Variants in LOC128092249 observed in about 807,000 individuals in gnomAD.
chr21:46,326,370 T>G, the LOC128092249 span: 2 of 1,614,114 alleles, frequency 1.2e-6, no homozygotes, highest in Non-Finnish European at 1.7e-6. Context: ...TCTACATTTT[T>G]GCGCAGCTTG....
the LOC128092249 span, chr21:46,326,357 T>G: frequency 1.2e-6 from 2 of 1,612,896 alleles, no homozygotes; most frequent in Non-Finnish European, 8.5e-7. Flanking sequence ...CCTTTACTAC[T>G]TATCTACATT....
At chr21:46,326,460 C>G in the LOC128092249 span, 7 of 1,614,190 alleles carry the variant, frequency 4.3e-6, no homozygotes, top group South Asian at 1.1e-5. Flanking sequence ...GCTCGGCTGT[C>G]GATGCGTCTG....
chr21:46,326,417 C>A, the LOC128092249 span: 1 of 1,614,176 alleles, frequency 6.2e-7, no homozygotes, highest in Non-Finnish European at 8.5e-7. Flanking sequence ...GGTGACAGTT[C>A]GCATTCGGAG....
At chr21:46,326,432 A>T in the LOC128092249 span, 1 of 1,614,168 alleles carries the variant, frequency 6.2e-7, no homozygotes, top group South Asian at 1.1e-5. Flanking sequence ...TCGGAGAAAA[A>T]GACGGCGAAG....
chr21:46,326,373 G>A, the LOC128092249 span: 4 of 1,613,850 alleles, frequency 2.5e-6, no homozygotes, highest in Admixed American at 3.3e-5. Context: ...ACATTTTTGC[G>A]CAGCTTGCTC....
At chr21:46,326,473 CAGG>C in the LOC128092249 span, 2 of 1,614,176 alleles carry the variant, frequency 1.2e-6, no homozygotes, top group Non-Finnish European at 1.7e-6. Context: ...TGCGTCTGTC[CAGG>C]AGGAGAGTCC....
chr21:46,326,363 A>G, the LOC128092249 span: 10 of 1,613,496 alleles, frequency 6.2e-6, no homozygotes, highest in African/African-American at 9.3e-5. Context: ...CTACTTATCT[A>G]CATTTTTGCG....
At chr21:46,326,465 C>T in the LOC128092249 span, 4 of 1,614,072 alleles carry the variant, frequency 2.5e-6, no homozygotes, top group African/African-American at 2.7e-5. Flanking sequence ...GCTGTCGATG[C>T]GTCTGTCCAG....
the LOC128092249 span, chr21:46,326,447 A>G: frequency 1.2e-6 from 2 of 1,614,258 alleles, no homozygotes; most frequent in East Asian, 2.2e-5. Context: ...GCGAAGAGGA[A>G]GGGCTCGGCT....
chr21:46,326,412 C>G, the LOC128092249 span: 2 of 1,614,216 alleles, frequency 1.2e-6, no homozygotes, highest in Non-Finnish European at 1.7e-6. Flanking sequence ...CAAAAGGTGA[C>G]AGTTCGCATT....
the LOC128092249 span, chr21:46,326,429 A>G: frequency 6.2e-7 from 1 of 1,614,124 alleles, no homozygotes; most frequent in Non-Finnish European, 8.5e-7. Flanking sequence ...CATTCGGAGA[A>G]AAAGACGGCG....
At chr21:46,326,413 A>G in the LOC128092249 span, 39 of 1,614,110 alleles carry the variant, frequency 2.4e-5, no homozygotes, top group East Asian at 6.5e-4. Context: ...AAAAGGTGAC[A>G]GTTCGCATTC....
chr21:46,326,353 C>T, the LOC128092249 span: 1 of 1,610,924 alleles, frequency 6.2e-7, no homozygotes, highest in Non-Finnish European at 8.5e-7. Flanking sequence ...TTTGCCTTTA[C>T]TACTTATCTA....
chr21:46,326,378 T>G, the LOC128092249 span: 1 of 1,614,162 alleles, frequency 6.2e-7, no homozygotes, highest in East Asian at 2.2e-5. Context: ...TTTGCGCAGC[T>G]TGCTCACTTC....
the LOC128092249 span, chr21:46,326,468 C>T: frequency 1.9e-6 from 3 of 1,614,236 alleles, no homozygotes; most frequent in East Asian, 2.2e-5. Context: ...GTCGATGCGT[C>T]TGTCCAGGAG....
chr21:46,326,430 A>G, the LOC128092249 span: 6 of 1,614,124 alleles, frequency 3.7e-6, no homozygotes, highest in African/African-American at 1.3e-5. Context: ...ATTCGGAGAA[A>G]AAGACGGCGA....
At chr21:46,326,461 G>A in the LOC128092249 span, 4 of 1,614,104 alleles carry the variant, frequency 2.5e-6, no homozygotes, top group African/African-American at 2.7e-5. Context: ...CTCGGCTGTC[G>A]ATGCGTCTGT....
At chr21:46,326,431 A>C in the LOC128092249 span, 3 of 1,614,218 alleles carry the variant, frequency 1.9e-6, no homozygotes, top group Non-Finnish European at 2.5e-6. Flanking sequence ...TTCGGAGAAA[A>C]AGACGGCGAA....
chr21:46,326,294 C>T, the LOC128092249 span: 1 of 1,345,202 alleles, frequency 7.4e-7, no homozygotes, highest in Middle Eastern at 1.8e-4. Context: ...CCTCATGGTC[C>T]CCACCAGTCT....
Sources: gnomAD v4.1 joint callset for allele counts on GRCh38, gnomAD v4.1.1 for gene constraint, MANE v1.5 for transcripts.